The following ACIN1 variants were observed in gnomAD, a reference collection of about 807,000 sequenced individuals.
ACIN1 encodes the protein apoptotic chromatin condensation inducer in the nucleus.
In ACIN1, 16 loss-of-function variants were observed where a neutral mutation model predicts 146.6. The ratio of observed to expected loss-of-function variants is 0.11; its 90% CI spans 0.07 to 0.17. The LOEUF is 0.17. Ranked by LOEUF, ACIN1 falls within the 10% of genes least tolerant of loss-of-function variation. The pLI, the probability that ACIN1 is intolerant of heterozygous loss-of-function variation, is 1.00. For missense variants in ACIN1, 1,357 were observed against 1,609.3 expected (o/e 0.84, Z 2.68); for synonymous variants, 569 against 582.7 (o/e 0.98, Z 0.34).
Position 23,059,271 on chromosome 14 carries a change from G to A in ACIN1, c.3729C>T (p.Asp1243=). The change falls in exon 19 of 19, where the codon GAC becomes GAT. Residue 1243 remains aspartate (D), a synonymous_variant. Transcript: ENST00000605057. ...GGTCCCTTTCCCTATCCCGATCTCG[G>A]TCCCCCCTGTCCCGCTCCCTTTCTC... The part of the protein sequence containing the change: ...RERERERDRG[D]RDRDRERDRE... 1 of 1,606,828 alleles carries A rather than the reference G, an allele frequency of 6.2e-7. No homozygotes were observed. The highest frequency in any genetic ancestry group is 8.5e-7 in the Non-Finnish European group (1 of 1,173,742).
chr14:23,095,011 G>A lies in ACIN1; in HGVS notation c.102C>T (p.Ser34=), dbSNP rs746467389. The A allele has an allele frequency of 3.0e-5, 48 of 1,610,000 alleles. No homozygotes were observed. The highest frequency in any genetic ancestry group is 4.1e-5 in the Non-Finnish European group (48 of 1,179,964). The change falls in exon 1 of 19, where the codon AGC becomes AGT. Residue 34 remains serine, a synonymous_variant. Transcript: ENST00000605057. ...AALEQRGLAK[S]GQKSALVKRL... ...GCTTGACCAGGGCACTCTTCTGCCC[G>A]CTCTTGGCTAGGCCTCGCTGCTCCA...
intron 14 of ACIN1, 174 bp from the exon 15 acceptor site, chr14:23,062,697 T>A: frequency 1.3e-6 from 1 of 750,350 alleles, no homozygotes; most frequent in Non-Finnish European, 2.2e-6. Context: ...CCAGCACTAA[T>A]TGAGACGTTG....
chr14:23,059,489 GA>G lies in ACIN1; in HGVS notation c.3526-16del. ...TTCTGAACGATCTGTAGCCAGGTAG[GA>G]AAGGCAGAGAATAGGCAGCTCAGTC... On this transcript the variant is annotated splice_polypyrimidine_tract_variant and intron_variant, in intron 18 of 18. Coordinates refer to ENST00000605057, the MANE Select transcript of ACIN1 (RefSeq NM_001386863.1). The G allele has an allele frequency of 1.2e-6, 2 of 1,607,808 alleles. No homozygotes were observed. The highest frequency in any genetic ancestry group is 1.7e-6 in the Non-Finnish European group (2 of 1,175,628).
chr14:23,070,604 G>A (rs996458441), intron 8 of ACIN1, among the ~76,000 whole-genome samples: 7 of 151,860 alleles, frequency 4.6e-5, no homozygotes, highest in African/African-American at 1.5e-4. Context: ...TTCTGTCTTC[G>A]TCCCCAACTT....
At position 23,065,900 on chromosome 14, in the gene ACIN1, G is replaced by C; in HGVS notation, c.2308+66C>G. 4.8e-6 allele frequency: 7 copies of C among 1,451,312 alleles called. No individual in the cohort carries two copies. In the South Asian group the frequency reaches 5.7e-5, roughly 12 times the overall value. The allele number at this position is 1,451,312 out of a possible 1,614,324, so 89.9% of individuals were successfully genotyped here. A position where few individuals can be genotyped will look rare whatever the true frequency, so the allele number is the denominator to read the frequency against. ...GAATGCCATTGAGAATGAAATTCTG[G>C]TTCTCAATGAATGCTGGTTTTTATG... On this transcript the variant is annotated intron_variant, in intron 10 of 18. Transcript: ENST00000605057.
intron 4 of ACIN1, among the ~76,000 whole-genome samples, chr14:23,089,223 T>C (rs1341501578): frequency 6.6e-6 from 1 of 152,112 alleles, no homozygotes; most frequent in African/African-American, 2.4e-5. Flanking sequence ...ATATTTTTAG[T>C]AGAGACAGGG....
Position 23,068,486 on chromosome 14 carries a change from G to A in ACIN1, c.2265+990C>T. The A allele has an allele frequency of 2.0e-6, 2 of 985,900 alleles. No homozygotes were observed. The allele number at this position is 985,900 out of a possible 1,614,324, so 61.1% of individuals were successfully genotyped here. ...CCCCCTGATGTAAGCAAGACAGGGAGGCAAAAGGGGGCCCATCACAGGAGC... is the reference window on the plus strand; with the variant it reads ...CCCCCTGATGTAAGCAAGACAGGGAAGCAAAAGGGGGCCCATCACAGGAGC... On this transcript the variant is annotated intron_variant, in intron 9 of 18. Coordinates refer to ENST00000605057, the MANE Select transcript of ACIN1 (RefSeq NM_001386863.1). This position sits in a 1 kb window ranked among gnomAD's most constrained non-coding sequence, Gnocchi z 4.3.
chr14:23,079,279 A>G (rs964524669), intron 6 of ACIN1, among the ~76,000 whole-genome samples: 3 of 152,238 alleles, frequency 2.0e-5, no homozygotes, highest in Non-Finnish European at 4.4e-5. Context: ...GGGCATGCCC[A>G]CATCCTCAAG....
intron 4 of ACIN1, among the ~76,000 whole-genome samples, chr14:23,088,910 T>C (rs2048155095): frequency 6.6e-6 from 1 of 152,210 alleles, no homozygotes; most frequent in Non-Finnish European, 1.5e-5. Context: ...TTTTGGGTCT[T>C]TGGATTAGGC....
intron 4 of ACIN1, among the ~76,000 whole-genome samples, chr14:23,089,754 A>G (rs2048179744): frequency 1.3e-5 from 2 of 152,224 alleles, no homozygotes; most frequent in Admixed American, 6.5e-5. Context: ...TACAGATGAG[A>G]AGAAAAATCA....
chr14:23,078,001 G>T, intron 8 of ACIN1, 150 bp downstream of exon 8: 1 of 676,054 alleles, frequency 1.5e-6, no homozygotes, highest in Non-Finnish European at 2.4e-6. Flanking sequence ...TCCCAACATA[G>T]TAACTGAAGT....
intron 4 of ACIN1, among the ~76,000 whole-genome samples, chr14:23,087,364 A>T (rs996441884): frequency 6.6e-6 from 1 of 152,182 alleles, no homozygotes. Flanking sequence ...GGCATAAAGG[A>T]CACTGAAGAG....
In ACIN1 at chr14:23,078,876, G is replaced by A; in HGVS notation, c.1951C>T (p.Leu651=). ...TSSSSVQARR[L]SQPESAEKHV... ...TTTTCAGCTGATTCAGGCTGACTCA[G>A]ACGCCTTGCTTGGACAGAGGATGAG... The change falls in exon 7 of 19, where the codon CTG becomes TTG. Residue 651 remains leucine, a synonymous_variant. Transcript: ENST00000605057. 1.2e-6 allele frequency: 2 copies of A among 1,613,782 alleles called. No individual in the cohort carries two copies. Among genetic ancestry groups the A allele is most frequent in the Non-Finnish European group, 1.7e-6 (2 of 1,180,012 alleles).
In ACIN1 at chr14:23,062,239, C is replaced by A. The variant is rs2140002608; in HGVS notation, c.3028G>T (p.Ala1010Ser). 6.2e-7 allele frequency: 1 copy of A among 1,614,120 alleles called. No homozygotes were observed. The highest frequency in any genetic ancestry group is 8.5e-7 in the Non-Finnish European group (1 of 1,180,020). ...TGGGGCCATTTGACCCCGTGCAGAG[C>A]TGTGCGGGTGGCAACAGCTTCCTCT... ...TVEEAVATRT[A>S]LHGVKWPQSN... Residue 1010 changes from alanine (A) to serine (S), a missense_variant, in exon 16 of 19, where the codon GCT becomes TCT. Around this residue, in one of 4 missense-constraint regions of ACIN1, gnomAD observed 509 missense variants for 719.6 expected, o/e 0.71. Coordinates refer to ENST00000605057, the MANE Select transcript of ACIN1 (RefSeq NM_001386863.1).
intron 1 of ACIN1, among the ~76,000 whole-genome samples, chr14:23,094,104 C>CCACACAAACACACACACACAAACACACA (rs11268188): frequency 1.3e-5 from 2 of 150,760 alleles, no homozygotes; most frequent in Non-Finnish European, 3.0e-5. Flanking sequence ...CCTAGTCTAT[C>CCACACAAACACACACACACAAACACACA]CACACAAACA....
intron 1 of ACIN1, 53 bp downstream of exon 1, chr14:23,094,922 C>T: frequency 1.3e-6 from 2 of 1,517,056 alleles, no homozygotes; most frequent in Non-Finnish European, 1.8e-6. Flanking sequence ...GGCAGAGGCT[C>T]GTCTCTACCG....
At chr14:23,082,437 A>ATTTTTTTTTTTTTTTTT (rs11378976) in intron 4 of ACIN1, among the ~76,000 whole-genome samples, 1 of 95,818 alleles carries the variant, frequency 1.0e-5, no homozygotes, top group African/African-American at 4.0e-5. Flanking sequence ...AGAGCTCAAT[A>ATTTTTTTTTTTTTTTTT]TTTTTTTTTT....
At position 23,075,980 on chromosome 14, in the gene ACIN1, C is replaced by T. The variant is rs535564187; in HGVS notation, c.2123+2171G>A. On this transcript the variant is annotated intron_variant, in intron 8 of 18. Coordinates refer to ENST00000605057, the MANE Select transcript of ACIN1 (RefSeq NM_001386863.1). Reference sequence around the variant, plus strand: ...CCTCCCAAAGTGCTGCAATTACAGGCATGAGTCACCACGCCTGGCCATGCC... The same window carrying T: ...CCTCCCAAAGTGCTGCAATTACAGGTATGAGTCACCACGCCTGGCCATGCC... Among the ~76,000 whole-genome samples the T allele has an allele frequency of 7.9e-5, 12 of 152,208 alleles. No individual in the cohort carries two copies. The South Asian group carries it at 2.5e-3, about 32-fold the overall frequency.
chr14:23,062,079 A>C, intron 16 of ACIN1, 89 bp downstream of exon 16: 1 of 1,042,188 alleles, frequency 9.6e-7, no homozygotes, highest in Non-Finnish European at 1.5e-6. Context: ...AAGCTCAGAG[A>C]CTGCAGGTCT....
Sources: allele counts gnomAD v4.1 joint callset (sites outside exome capture counted in the v4.1 genomes callset), GRCh38; gene constraint gnomAD v4.1.1; regional missense constraint gnomAD v4.1.1; non-coding constraint Gnocchi (gnomAD v3.1); transcripts MANE v1.5; gene names NCBI Gene and HGNC (gene_info 2026-07-23, HGNC 2026-07-21).